The following CELF5 variants were observed in gnomAD, a reference collection of about 807,000 sequenced individuals.
CELF5 encodes CUG-BP and ETR-3 like factor 5.
CELF5 carries 6 observed loss-of-function variants against 54.9 expected under a neutral mutation model. That is an observed-to-expected ratio of 0.11 (90% CI 0.06 to 0.22). The LOEUF is 0.22. Among genes scored for constraint, CELF5 ranks in the 10% least tolerant of loss-of-function variants. The pLI is 1.00. For missense variants in CELF5, 401 were observed against 678.6 expected (o/e 0.59, Z 4.54); for synonymous variants, 271 against 290.9 (o/e 0.93, Z 0.70).
At chr19:3,293,871 A>C in intron 12 of CELF5, 4 of 164,836 alleles carry the variant, frequency 2.4e-5, no homozygotes, top group Non-Finnish European at 4.0e-5. Flanking sequence ...CCTGCTGAAA[A>C]CCCAACACCA....
intron 2 of CELF5, among the ~76,000 whole-genome samples, chr19:3,265,307 G>A (rs1259771483): frequency 6.6e-6 from 1 of 152,154 alleles, no homozygotes; most frequent in African/African-American, 2.4e-5. Context: ...AGCAGACAAG[G>A]GCTTAGCCTG....
At chr19:3,242,002 T>C (rs1474427735) in intron 1 of CELF5, among the ~76,000 whole-genome samples, 1 of 152,170 alleles carries the variant, frequency 6.6e-6, no homozygotes, top group Non-Finnish European at 1.5e-5. Context: ...CTCAAACTCC[T>C]GACCTCAGGT....
At chr19:3,293,563 C>T in intron 12 of CELF5, 77 bp downstream of exon 12, 1 of 1,216,342 alleles carries the variant, frequency 8.2e-7, no homozygotes, top group South Asian at 1.5e-5. Flanking sequence ...CCACTTCATG[C>T]TCCAAACCCT....
chr19:3,289,681 CAAAAAA>C (rs35144942), intron 10 of CELF5, among the ~76,000 whole-genome samples: 16 of 47,132 alleles, frequency 3.4e-4, no homozygotes, highest in African/African-American at 1.0e-3. Context: ...GACTCCATCT[CAAAAAA>C]AAAAAAAAAA....
intron 2 of CELF5, among the ~76,000 whole-genome samples, chr19:3,273,521 G>T (rs554201465): frequency 6.6e-6 from 1 of 152,316 alleles, no homozygotes; most frequent in East Asian, 1.9e-4. Context: ...ACTTGGCCAA[G>T]TTCAGGTGCC....
chr19:3,231,944 G>A (rs967993852), intron 1 of CELF5, among the ~76,000 whole-genome samples: 9 of 151,096 alleles, frequency 6.0e-5, no homozygotes, highest in African/African-American at 1.9e-4. Context: ...AAGATGGATG[G>A]GTAATTGGTG....
At chr19:3,238,442 C>T (rs2079446932) in intron 1 of CELF5, among the ~76,000 whole-genome samples, 1 of 152,154 alleles carries the variant, frequency 6.6e-6, no homozygotes, top group African/African-American at 2.4e-5. Flanking sequence ...AACTGGGGGG[C>T]TTGGAACAGC....
At chr19:3,263,008 G>A (rs964296236) in intron 2 of CELF5, among the ~76,000 whole-genome samples, 4 of 152,032 alleles carry the variant, frequency 2.6e-5, no homozygotes, top group African/African-American at 9.7e-5. Flanking sequence ...CACTTTGGGA[G>A]ACCGAGGTGG....
chr19:3,246,549 GTAA>G (rs918547149), intron 1 of CELF5, among the ~76,000 whole-genome samples: 23 of 150,914 alleles, frequency 1.5e-4, no homozygotes, highest in African/African-American at 4.6e-4. Flanking sequence ...AATAATAATA[GTAA>G]TAATAATAAT....
chr19:3,285,036 GC>G, intron 9 of CELF5, 72 bp downstream of exon 9: 1 of 1,198,704 alleles, frequency 8.3e-7, no homozygotes, highest in Non-Finnish European at 1.2e-6. Context: ...CCCAGGGCCC[GC>G]CCCGGACGTG....
intron 1 of CELF5, among the ~76,000 whole-genome samples, chr19:3,240,509 G>A (rs961226332): frequency 6.6e-6 from 1 of 151,654 alleles, no homozygotes; most frequent in Non-Finnish European, 1.5e-5. Flanking sequence ...TGTATTTTTA[G>A]TAGAGAGGGG....
intron 2 of CELF5, among the ~76,000 whole-genome samples, chr19:3,262,774 A>G (rs1196974311): frequency 6.6e-6 from 1 of 151,734 alleles, no homozygotes; most frequent in Non-Finnish European, 1.5e-5. Flanking sequence ...ATCCATCTCT[A>G]CTAAAAATAC....
chr19:3,269,697 C>CGTTTT (rs2079930936), intron 2 of CELF5, among the ~76,000 whole-genome samples: 2 of 152,158 alleles, frequency 1.3e-5, no homozygotes, highest in South Asian at 4.1e-4. Flanking sequence ...AGTGCCAAAA[C>CGTTTT]GCTCCCCAGC....
At chr19:3,233,308 T>C (rs1475166826) in intron 1 of CELF5, among the ~76,000 whole-genome samples, 3 of 152,064 alleles carry the variant, frequency 2.0e-5, no homozygotes, top group African/African-American at 4.8e-5. Flanking sequence ...AGGCAACAAC[T>C]TTATTAAGTC....
intron 8 of CELF5, among the ~76,000 whole-genome samples, chr19:3,283,854 ACT>A (rs2080190857): frequency 6.7e-6 from 1 of 148,758 alleles, no homozygotes; most frequent in African/African-American, 2.5e-5. Flanking sequence ...ACAGAGTCTC[ACT>A]CTGTCGCCCA....
intron 1 of CELF5, among the ~76,000 whole-genome samples, chr19:3,234,817 C>T (rs1917442369): frequency 6.6e-6 from 1 of 152,158 alleles, no homozygotes; most frequent in African/African-American, 2.4e-5. Flanking sequence ...CCTCTGCCTT[C>T]ACCTGGTCCA....
intron 1 of CELF5, among the ~76,000 whole-genome samples, chr19:3,248,875 TTC>T (rs1327950445): frequency 7.9e-6 from 1 of 127,186 alleles, no homozygotes; most frequent in African/African-American, 3.0e-5. Flanking sequence ...CCTTCCTTCC[TTC>T]CTTCCTTCCT....
intron 1 of CELF5, among the ~76,000 whole-genome samples, chr19:3,229,575 T>G (rs1249512785): frequency 6.6e-6 from 1 of 152,198 alleles, no homozygotes; most frequent in Non-Finnish European, 1.5e-5. Flanking sequence ...CCCTGCGTCT[T>G]GTGGCCTTGG....
chr19:3,275,141 T>A lies in CELF5; in HGVS notation c.395-715T>A, dbSNP rs545259701. Among the ~76,000 whole-genome samples the A allele has an allele frequency of 6.6e-6, 1 of 152,020 alleles. No homozygotes were observed. The highest frequency in any genetic ancestry group is 1.5e-5 in the Non-Finnish European group (1 of 68,008). ...AACCCAGCTCACCGTCCCTAGGAGATGAAGCCACCACGTTCCCCATTACCA... is the reference window on the plus strand; with the variant it reads ...AACCCAGCTCACCGTCCCTAGGAGAAGAAGCCACCACGTTCCCCATTACCA... On this transcript the variant is annotated intron_variant, in intron 3 of 12. Transcript: ENST00000292672. This position sits in a 1 kb window ranked among gnomAD's most constrained non-coding sequence, Gnocchi z 6.7.
Sources: allele counts gnomAD v4.1 joint callset (sites outside exome capture counted in the v4.1 genomes callset), GRCh38; gene constraint gnomAD v4.1.1; non-coding constraint Gnocchi (gnomAD v3.1); transcripts MANE v1.5; gene names NCBI Gene and HGNC (gene_info 2026-07-23, HGNC 2026-07-21).